NRG1: variants seen among roughly 807,000 people sequenced by gnomAD.
NRG1 encodes the protein pro-neuregulin-1, membrane-bound isoform.
Under a neutral mutation model 63.8 loss-of-function variants are expected in NRG1, and 18 were observed. The ratio of observed to expected loss-of-function variants is 0.28; its 90% CI spans 0.19 to 0.42. The LOEUF (loss-of-function observed/expected upper bound fraction) is 0.42. Among genes scored for constraint, NRG1 ranks in the 10% least tolerant of loss-of-function variants. The probability of loss-of-function intolerance (pLI) is 1.00; values close to 1 mark genes in which losing one functional copy is unlikely to be tolerated. For synonymous variants in NRG1, 302 were observed against 301.3 expected (o/e 1.00, Z -0.02); for missense variants, 762 against 814.7 (o/e 0.94, Z 0.79).
intron 1 of NRG1, among the ~76,000 whole-genome samples, chr8:31,741,473 A>G (rs945491748): frequency 1.4e-5 from 2 of 143,034 alleles, no homozygotes; most frequent in South Asian, 2.4e-4. Context: ...AATATGGAAT[A>G]CATTTAACCT....
intron 1 of NRG1, among the ~76,000 whole-genome samples, chr8:32,005,677 C>T (rs1202616313): frequency 6.6e-6 from 1 of 151,948 alleles, no homozygotes; most frequent in Non-Finnish European, 1.5e-5. Flanking sequence ...TAAAAGTTTA[C>T]TATAATAATT....
intron 1 of NRG1, among the ~76,000 whole-genome samples, chr8:32,427,291 A>G (rs887543571): frequency 6.6e-6 from 1 of 152,144 alleles, no homozygotes; most frequent in Non-Finnish European, 1.5e-5. Context: ...AATATTTACA[A>G]ATATCTTATT....
In NRG1 at chr8:32,337,653, CAAAAAAAAAAAAAA is replaced by C. The variant is rs71208174; in HGVS notation, c.38-258159_38-258146del. Among the ~76,000 whole-genome samples, 7 of 24,704 alleles carry C rather than the reference CAAAAAAAAAAAAAA, an allele frequency of 2.8e-4. 1 individual carries two copies. The highest frequency in any genetic ancestry group is 1.3e-3 in the Admixed American group (2 of 1,538). 16.2% of individuals were successfully genotyped at this position (24,704 alleles called of 152,430 possible). ...GCTGAAGGAACAAAAAGAGTTATTGCAAAAAAAAAAAAAAAAAAAAAAAAAAAAAGCTGATGCAG... is the reference window on the plus strand; with the variant it reads ...GCTGAAGGAACAAAAAGAGTTATTGCAAAAAAAAAAAAAAAGCTGATGCAG... On this transcript the variant is annotated intron_variant, in intron 1 of 10. Transcript: ENST00000519301.
At chr8:32,343,677 A>G (rs926769310) in intron 1 of NRG1, among the ~76,000 whole-genome samples, 4 of 152,228 alleles carry the variant, frequency 2.6e-5, no homozygotes, top group African/African-American at 9.6e-5. Context: ...ATAATGAATC[A>G]GAGGCTTTTA....
intron 1 of NRG1, among the ~76,000 whole-genome samples, chr8:32,520,706 G>C (rs1337322177): frequency 1.3e-5 from 2 of 152,144 alleles, no homozygotes; most frequent in Non-Finnish European, 2.9e-5. Context: ...TTTGCTTTTG[G>C]CAGTTTCAGT....
intron 1 of NRG1, among the ~76,000 whole-genome samples, chr8:31,778,693 T>C (rs1819391835): frequency 6.6e-6 from 1 of 152,228 alleles, no homozygotes; most frequent in East Asian, 1.9e-4. Context: ...TTAAGGGCTT[T>C]GCACACATTA....
chr8:31,806,910 A>G (rs1455071005), intron 1 of NRG1, among the ~76,000 whole-genome samples: 2 of 152,210 alleles, frequency 1.3e-5, no homozygotes, highest in African/African-American at 2.4e-5. Context: ...TATTTTTGGA[A>G]CAACTTAGTA....
chr8:31,804,405 A>G (rs1488652768), intron 1 of NRG1, among the ~76,000 whole-genome samples: 2 of 152,122 alleles, frequency 1.3e-5, no homozygotes, highest in Admixed American at 6.6e-5. Context: ...TGGATAGGAA[A>G]TGGATAGGCA....
intron 1 of NRG1, among the ~76,000 whole-genome samples, chr8:32,368,088 T>C (rs1808325178): frequency 6.6e-6 from 1 of 152,230 alleles, no homozygotes; most frequent in Non-Finnish European, 1.5e-5. Flanking sequence ...GTAGTATATT[T>C]TGAAGACAGG....
rs184564958 is a variant in NRG1, at chr8:31,847,422, T to C, written c.37+207991T>C. Among the ~76,000 whole-genome samples, 3 of 152,340 alleles carry C rather than the reference T, an allele frequency of 2.0e-5. No homozygotes were observed. The East Asian group carries it at 5.8e-4, about 29-fold the overall frequency. ...GTGTTCGGATGAGCTATGGGTTACA[T>C]AGTGATGAATTCAGCAGACATAGCT... On this transcript the variant is annotated intron_variant, in intron 1 of 10. Transcript: ENST00000519301.
intron 1 of NRG1, among the ~76,000 whole-genome samples, chr8:31,981,259 G>A (rs894108565): frequency 6.6e-6 from 1 of 151,850 alleles, no homozygotes; most frequent in African/African-American, 2.4e-5. Flanking sequence ...ATAGCCAATC[G>A]ATAGCTTATG....
Position 32,214,006 on chromosome 8 carries a change from C to T in NRG1, c.38-381822C>T, listed in dbSNP as rs191526024. 2.4e-3 allele frequency among the ~76,000 whole-genome samples: 369 copies of T among 152,148 alleles called. 1 individual carries two copies. Among genetic ancestry groups the T allele is most frequent in the Non-Finnish European group, 3.2e-3 (218 of 68,002 alleles). On this transcript the variant is annotated intron_variant, in intron 1 of 10. Transcript: ENST00000519301. ...TGTGGGAAAGCAAATATATGGGAAA[C>T]CTATTGTAGATAAAGATTAGTTAGG...
intron 1 of NRG1, among the ~76,000 whole-genome samples, chr8:32,075,155 G>C (rs1826307525): frequency 6.6e-6 from 1 of 152,236 alleles, no homozygotes; most frequent in Admixed American, 6.5e-5. Context: ...GTCCTTGAAT[G>C]AAAGTAGAGC....
intron 5 of NRG1, among the ~76,000 whole-genome samples, chr8:32,680,904 C>A (rs920193296): frequency 6.6e-6 from 1 of 151,908 alleles, no homozygotes; most frequent in Non-Finnish European, 1.5e-5. Flanking sequence ...CAAAGTAATA[C>A]AATAAAATAC....
At chr8:32,661,638 C>G (rs1376966811) in intron 5 of NRG1, among the ~76,000 whole-genome samples, 1 of 142,270 alleles carries the variant, frequency 7.0e-6, no homozygotes, top group Non-Finnish European at 1.5e-5. Flanking sequence ...TTTTTTTTTT[C>G]AATATCCCAT....
chr8:32,697,929 C>T (rs1252772670), intron 5 of NRG1, among the ~76,000 whole-genome samples: 1 of 152,062 alleles, frequency 6.6e-6, no homozygotes, highest in East Asian at 1.9e-4. Flanking sequence ...GAAAAATGGC[C>T]AGGCATGGTG....
chr8:31,707,434 A>G (rs1207259981), intron 1 of NRG1, among the ~76,000 whole-genome samples: 1 of 152,052 alleles, frequency 6.6e-6, no homozygotes, highest in African/African-American at 2.4e-5. Context: ...TAATAACTGA[A>G]ATTGCTAAGC....
chr8:32,548,181 G>C (rs543246589), upstream of NRG1: 81 of 969,852 alleles, frequency 8.4e-5, no homozygotes, highest in African/African-American at 1.1e-3. Context: ...GCCTCGGGGT[G>C]GGGGTGTGGT....
intron 1 of NRG1, among the ~76,000 whole-genome samples, chr8:32,068,308 G>A (rs1186917332): frequency 1.3e-5 from 2 of 152,146 alleles, no homozygotes; most frequent in African/African-American, 4.8e-5. Flanking sequence ...GGCTGAGGTG[G>A]GATTAGTAAT....
Sources: gnomAD v4.1 joint callset for allele counts (sites outside exome capture counted in the v4.1 genomes callset) on GRCh38, gnomAD v4.1.1 for gene constraint, MANE v1.5 for transcripts, NCBI Gene and HGNC (gene_info 2026-07-23, HGNC 2026-07-21) for gene names.